POLN: variants seen among roughly 807,000 people sequenced by gnomAD.
POLN encodes the protein DNA polymerase N.
POLN carries 108 observed loss-of-function variants against 113.5 expected under a neutral mutation model. The ratio of observed to expected loss-of-function variants is 0.95; its 90% CI spans 0.81 to 1.12. The LOEUF (loss-of-function observed/expected upper bound fraction) is 1.12, where lower values mean the gene tolerates loss of function less well. Ranked by LOEUF, POLN falls within the 50% of genes most tolerant of loss-of-function variation. The pLI, the probability that POLN is intolerant of heterozygous loss-of-function variation, is 0.00. For missense variants in POLN, 1,097 were observed against 1,077.1 expected (o/e 1.02, Z -0.26); for synonymous variants, 386 against 391.5 (o/e 0.99, Z 0.17).
chr4:2,180,663 T>C (rs1733116286), intron 7 of POLN, among the ~76,000 whole-genome samples: 1 of 152,172 alleles, frequency 6.6e-6, no homozygotes, highest in South Asian at 2.1e-4. Flanking sequence ...AATAGGACTG[T>C]TTCACTCCAC....
intron 16 of POLN, among the ~76,000 whole-genome samples, chr4:2,152,404 C>A (rs889001404): frequency 7.0e-6 from 1 of 142,580 alleles, no homozygotes; most frequent in Non-Finnish European, 1.5e-5. Context: ...TGCTGTGATG[C>A]GATCACAACT....
chr4:2,147,733 C>T (rs1363165817), intron 16 of POLN, among the ~76,000 whole-genome samples: 4 of 147,272 alleles, frequency 2.7e-5, no homozygotes, highest in Non-Finnish European at 6.0e-5. Flanking sequence ...ACCTCTGCCT[C>T]CCAGGTTTAA....
intron 21 of POLN, among the ~76,000 whole-genome samples, chr4:2,083,535 C>A (rs1730479775): frequency 6.6e-6 from 1 of 152,248 alleles, no homozygotes; most frequent in African/African-American, 2.4e-5. Context: ...CAGAAGTCTC[C>A]TGACTCCATA....
intron 3 of POLN, among the ~76,000 whole-genome samples, chr4:2,216,753 A>G (rs1475954723): frequency 1.3e-5 from 2 of 152,222 alleles, no homozygotes; most frequent in East Asian, 1.9e-4. Context: ...TCTAGGGCAC[A>G]AGGGGTTCAG....
At position 2,095,715 on chromosome 4, in the gene POLN, T is replaced by C. The variant is rs965074890; in HGVS notation, c.2065+136A>G. On this transcript the variant is annotated intron_variant, in intron 20 of 25. Transcript: ENST00000511885. ...GGTGGTCTGGCCAGTGTCTGGTGAC[T>C]GCAGGTGTCATCAGAGCATAAACAA... 1.2e-5 allele frequency: 9 copies of C among 772,588 alleles called. No individual in the cohort carries two copies. The South Asian group carries it at 1.3e-4, about 12-fold the overall frequency. The allele number at this position is 772,588 out of a possible 1,614,324, so 47.9% of individuals were successfully genotyped here.
chr4:2,156,667 T>A, intron 16 of POLN, 121 bp downstream of exon 16: 2 of 763,400 alleles, frequency 2.6e-6, no homozygotes, highest in Non-Finnish European at 4.7e-6. Context: ...AAACACAACA[T>A]ATCAGTATGA....
chr4:2,126,243 CT>C lies in POLN; in HGVS notation c.1982+1869del, dbSNP rs1246783827. On this transcript the variant is annotated intron_variant, in intron 19 of 25. Transcript: ENST00000511885. This position sits in a 1 kb window ranked among gnomAD's most constrained non-coding sequence, Gnocchi z 4.6. Reference sequence around the variant, plus strand: ...TGTCACCATAAACACAATTTCACAGCTACTCCAAAGTCCAGGTGAGTGTAGA... The same window carrying C: ...TGTCACCATAAACACAATTTCACAGCACTCCAAAGTCCAGGTGAGTGTAGA... 6.6e-6 allele frequency among the ~76,000 whole-genome samples: 1 copy of C among 152,212 alleles called. No individual in the cohort carries two copies. Among genetic ancestry groups the C allele is most frequent in the Non-Finnish European group, 1.5e-5 (1 of 68,044 alleles).
At chr4:2,209,769 C>T (rs1315133115) in intron 4 of POLN, among the ~76,000 whole-genome samples, 1 of 147,348 alleles carries the variant, frequency 6.8e-6, no homozygotes, top group African/African-American at 2.5e-5. Context: ...TCAAGTAATC[C>T]TCCCACCTCA....
chr4:2,174,560 G>C (rs1732947609), intron 10 of POLN, 131 bp downstream of exon 10: 8 of 772,560 alleles, frequency 1.0e-5, no homozygotes, highest in Non-Finnish European at 1.7e-5. Context: ...GAAAATAATA[G>C]GCTTGCTACC....
At chr4:2,082,589 G>A (rs1296285586) in intron 21 of POLN, 3 of 152,214 alleles carry the variant, frequency 2.0e-5, no homozygotes, top group Non-Finnish European at 4.4e-5. Context: ...CTAGGTGTGG[G>A]TGGGAAATAA....
At chr4:2,184,522 T>C (rs1017305596) in intron 7 of POLN, among the ~76,000 whole-genome samples, 10 of 152,158 alleles carry the variant, frequency 6.6e-5, no homozygotes, top group Admixed American at 6.5e-4. Flanking sequence ...CCTGTCATCC[T>C]GAACATGAAT....
intron 14 of POLN, among the ~76,000 whole-genome samples, 157 bp downstream of exon 14, chr4:2,158,991 TACAAGTA>T (rs2108741238): frequency 6.6e-6 from 1 of 152,178 alleles, no homozygotes; most frequent in African/African-American, 2.4e-5. Context: ...TCACATGGGG[TACAAGTA>T]AACAGTGCCA....
chr4:2,112,973 C>A (rs1731233029), intron 19 of POLN, among the ~76,000 whole-genome samples: 1 of 152,080 alleles, frequency 6.6e-6, no homozygotes. Flanking sequence ...ATAGCAAAGA[C>A]TTGGAACCAA....
At chr4:2,222,711 T>G (rs73201284) in intron 3 of POLN, among the ~76,000 whole-genome samples, 21 of 147,692 alleles carry the variant, frequency 1.4e-4, no homozygotes, top group African/African-American at 2.8e-4. Flanking sequence ...TTTTTTTTTT[T>G]TATTTTTCCA....
At chr4:2,186,216 G>A (rs557165790) in intron 7 of POLN, among the ~76,000 whole-genome samples, 3 of 152,150 alleles carry the variant, frequency 2.0e-5, no homozygotes, top group Non-Finnish European at 4.4e-5. Flanking sequence ...CCATCATCTT[G>A]GGCCCCCTGG....
At chr4:2,149,044 A>T (rs1490918969) in intron 16 of POLN, among the ~76,000 whole-genome samples, 4 of 152,232 alleles carry the variant, frequency 2.6e-5, no homozygotes, top group Non-Finnish European at 5.9e-5. Context: ...ATGTAATCCC[A>T]GAACTTTGGG....
chr4:2,205,545 G>A (rs186830582), intron 5 of POLN, among the ~76,000 whole-genome samples: 39 of 152,130 alleles, frequency 2.6e-4, no homozygotes, highest in African/African-American at 8.0e-4. Context: ...TGCAATTCCC[G>A]TCAAAATACC....
Position 2,156,837 on chromosome 4 carries a change from G to A in POLN, c.1682C>T (p.Thr561Ile), listed in dbSNP as rs1329896298. ...AGTCACAGTTCCAGTCTGATTCCATGTAGAGGAAATGGAGCCCTTTATTAG... is the reference window on the plus strand; with the variant it reads ...AGTCACAGTTCCAGTCTGATTCCATATAGAGGAAATGGAGCCCTTTATTAG... The part of the protein sequence containing the change: ...ACMKKGSISS[T>I]WNQTGTVTGR... Residue 561 changes from threonine (T) to isoleucine (I), a missense_variant, in exon 16 of 26, where the codon ACA (threonine) becomes ATA (isoleucine). Thr to Ile is a moderately conservative substitution (Grantham distance 89). Transcript: ENST00000511885. 6.2e-7 allele frequency: 1 copy of A among 1,612,458 alleles called. No homozygotes were observed.
At chr4:2,125,575 C>T (rs73799518) in intron 19 of POLN, among the ~76,000 whole-genome samples, 2,955 of 152,208 alleles carry the variant, frequency 0.019, 106 homozygotes, top group African/African-American at 0.067. Flanking sequence ...TCCGCCAGCA[C>T]CTGGGGTGGG....
Sources: allele counts gnomAD v4.1 joint callset (sites outside exome capture counted in the v4.1 genomes callset), GRCh38; gene constraint gnomAD v4.1.1; non-coding constraint Gnocchi (gnomAD v3.1); transcripts MANE v1.5; gene names NCBI Gene and HGNC (gene_info 2026-07-23, HGNC 2026-07-21).